Variants in ANKS1B observed in about 807,000 individuals in gnomAD.
ANKS1B encodes ankyrin repeat and sterile alpha motif domain containing 1B.
ANKS1B carries 36 observed loss-of-function variants against 148.3 expected under a neutral mutation model. The observed-to-expected ratio is 0.24, with a 90% CI of 0.19 to 0.32. The LOEUF (loss-of-function observed/expected upper bound fraction) is 0.32, where lower values mean the gene tolerates loss of function less well. Among genes scored for constraint, ANKS1B ranks in the 10% least tolerant of loss-of-function variants. The pLI, the probability that ANKS1B is intolerant of heterozygous loss-of-function variation, is 1.00. For missense variants in ANKS1B, 1,157 were observed against 1,542.6 expected, an observed-to-expected ratio of 0.75 and a Z score of 4.19; for synonymous variants, 542 against 560.8, an observed-to-expected ratio of 0.97 and a Z score of 0.47.
At chr12:99,392,311 T>C (rs1434121309) in intron 12 of ANKS1B, among the ~76,000 whole-genome samples, 1 of 152,238 alleles carries the variant, frequency 6.6e-6, no homozygotes, top group Non-Finnish European at 1.5e-5. Context: ...CCCTGATCAG[T>C]GTGAGAGGCC....
chr12:99,354,690 T>G (rs957777516), intron 12 of ANKS1B, among the ~76,000 whole-genome samples: 1 of 151,956 alleles, frequency 6.6e-6, no homozygotes, highest in Non-Finnish European at 1.5e-5. Flanking sequence ...ACCCATAATA[T>G]TAACATGGAT....
intron 1 of ANKS1B, among the ~76,000 whole-genome samples, chr12:99,948,377 T>G (rs2095126379): frequency 7.4e-6 from 1 of 136,002 alleles, no homozygotes; most frequent in African/African-American, 2.7e-5. Flanking sequence ...GAAGAAAGAA[T>G]TAAAAAAAAA....
At chr12:99,262,059 G>C (rs1191733524) in intron 12 of ANKS1B, among the ~76,000 whole-genome samples, 2 of 152,008 alleles carry the variant, frequency 1.3e-5, no homozygotes, top group Non-Finnish European at 2.9e-5. Context: ...TTCTGCCTGG[G>C]ATTTTCTTCC....
intron 17 of ANKS1B, among the ~76,000 whole-genome samples, chr12:99,050,472 T>C (rs190589698): frequency 1.3e-4 from 20 of 151,722 alleles, no homozygotes; most frequent in East Asian, 9.7e-4. Context: ...ACACAGAAAA[T>C]TGAATTCAAT....
intron 1 of ANKS1B, among the ~76,000 whole-genome samples, chr12:99,906,608 T>C (rs2093791803): frequency 6.6e-6 from 1 of 152,228 alleles, no homozygotes; most frequent in African/African-American, 2.4e-5. Context: ...TGGGACAAGT[T>C]GACACACATT....
intron 8 of ANKS1B, among the ~76,000 whole-genome samples, chr12:99,696,081 T>C (rs2053862079): frequency 1.3e-5 from 2 of 152,194 alleles, no homozygotes; most frequent in Admixed American, 1.3e-4. Flanking sequence ...ATGTACCCCT[T>C]GAATCTAAAA....
chr12:98,859,953 C>T (rs1483939125), intron 17 of ANKS1B, among the ~76,000 whole-genome samples: 3 of 152,118 alleles, frequency 2.0e-5, no homozygotes, highest in Admixed American at 6.6e-5. Context: ...CTTTATTGCA[C>T]AGACAAACAG....
intron 9 of ANKS1B, among the ~76,000 whole-genome samples, chr12:99,642,886 T>C (rs984620794): frequency 1.3e-5 from 2 of 152,202 alleles, no homozygotes; most frequent in African/African-American, 4.8e-5. Context: ...CCTTGGCTCA[T>C]AGCCTCTTCC....
rs200076858 is a variant in ANKS1B, at chr12:99,300,242, AC to A, written c.1757-53379del. Among the ~76,000 whole-genome samples the A allele has an allele frequency of 5.8e-3, 885 of 152,324 alleles. 7 individuals are homozygous for A. Among genetic ancestry groups the A allele is most frequent in the African/African-American group, 0.021 (853 of 41,576 alleles). ...TGAAGGAAGGATATCTAAAAGATGT[AC>A]CAATGAGTTCATACAGACCTACAGA... On this transcript the variant is annotated intron_variant, in intron 12 of 26. Coordinates refer to ENST00000683438, the MANE Select transcript of ANKS1B (RefSeq NM_001352186.2).
At chr12:99,639,725 T>A (rs1424207698) in intron 9 of ANKS1B, among the ~76,000 whole-genome samples, 1 of 152,192 alleles carries the variant, frequency 6.6e-6, no homozygotes, top group Non-Finnish European at 1.5e-5. Context: ...AAGGATGTGT[T>A]TGCTTCCCTT....
chr12:99,887,396 A>G (rs1452384390), intron 1 of ANKS1B, among the ~76,000 whole-genome samples: 2 of 152,230 alleles, frequency 1.3e-5, no homozygotes, highest in Non-Finnish European at 1.5e-5. Flanking sequence ...GATTAAATAA[A>G]ATCATTATTA....
intron 14 of ANKS1B, among the ~76,000 whole-genome samples, chr12:99,156,547 C>T (rs1394435704): frequency 6.6e-6 from 1 of 152,114 alleles, no homozygotes; most frequent in South Asian, 2.1e-4. Context: ...TCCACTTTTC[C>T]ACTGCCCCAG....
intron 1 of ANKS1B, among the ~76,000 whole-genome samples, chr12:99,842,747 C>A (rs541846763): frequency 6.6e-6 from 1 of 152,252 alleles, no homozygotes; most frequent in South Asian, 2.1e-4. Context: ...TTGCAGTGGT[C>A]CCTATACCTG....
chr12:99,091,880 A>G (rs2054128386), intron 15 of ANKS1B, among the ~76,000 whole-genome samples: 1 of 152,200 alleles, frequency 6.6e-6, no homozygotes, highest in Non-Finnish European at 1.5e-5. Context: ...TCTAGCAGGA[A>G]TCATGCAGGA....
At chr12:99,598,241 A>C (rs1477362575) in intron 9 of ANKS1B, among the ~76,000 whole-genome samples, 3 of 152,138 alleles carry the variant, frequency 2.0e-5, no homozygotes, top group Non-Finnish European at 4.4e-5. Context: ...GTGACTTAAT[A>C]GTAGCCAGGC....
intron 15 of ANKS1B, among the ~76,000 whole-genome samples, chr12:99,134,347 G>C (rs542250939): frequency 1.1e-3 from 172 of 152,218 alleles, no homozygotes; most frequent in African/African-American, 4.0e-3. Flanking sequence ...AAGTCAGAAA[G>C]AGCGTGGAAA....
intron 1 of ANKS1B, among the ~76,000 whole-genome samples, chr12:99,965,274 A>T (rs1307967813): frequency 1.3e-5 from 2 of 152,238 alleles, no homozygotes; most frequent in African/African-American, 2.4e-5. Context: ...TCAAAAAAAA[A>T]GTCAGCCTAA....
intron 10 of ANKS1B, among the ~76,000 whole-genome samples, chr12:99,455,952 G>A (rs746864399): frequency 6.6e-6 from 1 of 152,126 alleles, no homozygotes; most frequent in Non-Finnish European, 1.5e-5. Context: ...CTCCTGGCTT[G>A]AGGACAACCA....
chr12:99,772,037 C>A (rs7978662), intron 8 of ANKS1B, among the ~76,000 whole-genome samples: 66,679 of 151,960 alleles, frequency 0.44, 14,919 homozygotes, highest in South Asian at 0.61. Context: ...AAAGTGACTA[C>A]AGATTTCTTA....
Sources: allele counts gnomAD v4.1 joint callset (sites outside exome capture counted in the v4.1 genomes callset), GRCh38; gene constraint gnomAD v4.1.1; transcripts MANE v1.5; gene names NCBI Gene and HGNC (gene_info 2026-07-23, HGNC 2026-07-21).